The following PRKD3 variants were observed in gnomAD, a reference collection of about 807,000 sequenced individuals.
PRKD3 encodes the protein protein kinase D3, also known as serine/threonine-protein kinase D3.
PRKD3 carries 47 observed loss-of-function variants against 99.2 expected under a neutral mutation model. The observed-to-expected ratio is 0.47, with a 90% CI of 0.38 to 0.60. PRKD3 has a LOEUF of 0.60. PRKD3 is among the 20% of genes least tolerant of loss of function. The pLI is 0.00. For synonymous variants in PRKD3, 392 were observed against 355.4 expected, an observed-to-expected ratio of 1.10 and a Z score of -1.16; for missense variants, 1,019 against 1,088.4, an observed-to-expected ratio of 0.94 and a Z score of 0.90.
At chr2:37,308,691 G>C (rs978121793) in intron 2 of PRKD3, among the ~76,000 whole-genome samples, 1 of 152,130 alleles carries the variant, frequency 6.6e-6, no homozygotes, top group Non-Finnish European at 1.5e-5. Flanking sequence ...CTGACCTCAG[G>C]TGATCCACCC....
At chr2:37,292,292 T>C (rs992382818) in intron 3 of PRKD3, among the ~76,000 whole-genome samples, 8 of 152,150 alleles carry the variant, frequency 5.3e-5, no homozygotes, top group Non-Finnish European at 1.0e-4. Flanking sequence ...GACCAAATAA[T>C]TTCCTAAGCT....
intron 14 of PRKD3, among the ~76,000 whole-genome samples, chr2:37,261,236 C>G (rs187581043): frequency 3.9e-5 from 6 of 152,288 alleles, no homozygotes; most frequent in African/African-American, 1.4e-4. Context: ...CCTGTAATCC[C>G]AGCACTTTGG....
intron 2 of PRKD3, among the ~76,000 whole-genome samples, 171 bp from the exon 3 acceptor site, chr2:37,293,442 TTTAAAG>T (rs1670538742): frequency 6.6e-6 from 1 of 152,234 alleles, no homozygotes; most frequent in Non-Finnish European, 1.5e-5. Flanking sequence ...CCTGGTTAAT[TTTAAAG>T]TTCAAGAAAA....
chr2:37,292,852 G>A, intron 3 of PRKD3: 1 of 222,066 alleles, frequency 4.5e-6, no homozygotes, highest in Non-Finnish European at 8.9e-6. Context: ...GAGGTATGCT[G>A]CTCAGGCTGG....
intron 3 of PRKD3, 25 bp from the exon 4 acceptor site, chr2:37,291,024 T>G: frequency 1.3e-6 from 2 of 1,580,230 alleles, no homozygotes; most frequent in Non-Finnish European, 1.7e-6. Flanking sequence ...AGTATTACAA[T>G]ACACGTTGTA....
chr2:37,316,993 CTA>C lies in PRKD3; in HGVS notation c.-471_-470del. On this transcript the variant is annotated 5_prime_UTR_variant, in exon 2 of 19. In the 5' UTR this introduces an upstream ATG that the reference lacks. Coordinates refer to ENST00000234179, the MANE Select transcript of PRKD3 (RefSeq NM_005813.6). ...TATTCAGTACTTTTCCTTTGGTTTACTAATTTGATAGGACACCTTCTCAAATG... is the reference window on the plus strand; with the variant it reads ...TATTCAGTACTTTTCCTTTGGTTTACATTTGATAGGACACCTTCTCAAATG... The C allele has an allele frequency of 1.0e-6, 1 of 987,304 alleles. No homozygotes were observed. The highest frequency in any genetic ancestry group is 1.2e-6 in the Non-Finnish European group (1 of 831,338). 61.2% of individuals were successfully genotyped at this position (987,304 alleles called of 1,614,324 possible).
intron 9 of PRKD3, among the ~76,000 whole-genome samples, chr2:37,277,309 T>G (rs1207431956): frequency 6.6e-6 from 1 of 152,176 alleles, no homozygotes; most frequent in Non-Finnish European, 1.5e-5. Context: ...ACTAAGTAAC[T>G]TTCCCAAGTT....
intron 14 of PRKD3, among the ~76,000 whole-genome samples, chr2:37,263,148 T>A (rs1394706489): frequency 6.6e-6 from 1 of 152,198 alleles, no homozygotes; most frequent in Non-Finnish European, 1.5e-5. Flanking sequence ...ATTTTCATTC[T>A]TTCTTGCTTA....
chr2:37,253,228 T>C lies in PRKD3; in HGVS notation c.2622A>G (p.Pro874=). 6.2e-7 allele frequency: 1 copy of C among 1,612,714 alleles called. No homozygotes were observed. The highest frequency in any genetic ancestry group is 8.5e-7 in the Non-Finnish European group (1 of 1,179,042). The change falls in exon 19 of 19, where the codon CCA becomes CCG. Residue 874 remains proline (P), a synonymous_variant. Coordinates refer to ENST00000234179, the MANE Select transcript of PRKD3 (RefSeq NM_005813.6). The part of the protein sequence containing the change: ...IHAYTHNLVY[P]KHFIMAPNPD... ...GATTAGGAGCCATAATGAAGTGCTT[T>C]GGGTATACAAGGTTATGTGTGTATG...
chr2:37,253,310 C>T lies in PRKD3; in HGVS notation c.2540G>A (p.Arg847His), dbSNP rs1405945703. 8.7e-6 allele frequency: 14 copies of T among 1,612,522 alleles called. No homozygotes were observed. Among genetic ancestry groups the T allele is most frequent in the South Asian group, 6.6e-5 (6 of 90,862 alleles). Residue 847 changes from arginine (R) to histidine (H), a missense_variant, in exon 19 of 19, where the codon CGC becomes CAC. Arg to His is a conservative substitution (Grantham distance 29). Transcript: ENST00000234179. The stretch of plus-strand genomic sequence containing the variant: ...ATGTGTAATGTAACGTTCTCCAATG[C>T]GAGTTTCAAATTCTCTAAGGTCAAG... ...TWLDLREFET[R>H]IGERYITHES...
At chr2:37,267,373 T>C (rs1668917675) in intron 14 of PRKD3, 57 bp downstream of exon 14, 1 of 1,205,984 alleles carries the variant, frequency 8.3e-7, no homozygotes, top group Non-Finnish European at 1.2e-6. Flanking sequence ...GAGAAGCAGT[T>C]AATTCAGATT....
chr2:37,287,781 T>A (rs903819828), intron 5 of PRKD3, among the ~76,000 whole-genome samples: 1 of 152,234 alleles, frequency 6.6e-6, no homozygotes, highest in African/African-American at 2.4e-5. Flanking sequence ...TCCCTTCATA[T>A]AGAAAGGGTC....
At chr2:37,287,283 A>G (rs1299528858) in intron 5 of PRKD3, among the ~76,000 whole-genome samples, 2 of 148,930 alleles carry the variant, frequency 1.3e-5, no homozygotes, top group Non-Finnish European at 3.0e-5. Flanking sequence ...AGAAAAAGAA[A>G]AAGAAAAATA....
chr2:37,304,196 TAAA>T (rs70949750), intron 2 of PRKD3, among the ~76,000 whole-genome samples: 2 of 93,966 alleles, frequency 2.1e-5, no homozygotes, highest in East Asian at 3.3e-4. Flanking sequence ...AGGTACTTAC[TAAA>T]AAAAAAAAAA....
chr2:37,281,573 G>C (rs940983804), intron 7 of PRKD3, among the ~76,000 whole-genome samples: 1 of 152,050 alleles, frequency 6.6e-6, no homozygotes, highest in East Asian at 1.9e-4. Flanking sequence ...CATCAACCAG[G>C]AAACGGACCC....
rs1669760523 is a variant in PRKD3, at chr2:37,279,849, A to G, written c.1069T>C (p.Leu357=). 1 of 1,613,088 alleles carries G rather than the reference A, an allele frequency of 6.2e-7. No individual in the cohort carries two copies. The highest frequency in any genetic ancestry group is 8.5e-7 in the Non-Finnish European group (1 of 1,179,302). Residue 357 remains leucine, a synonymous_variant, in exon 8 of 19, where the codon TTG becomes CTG. Transcript: ENST00000234179. ...NDINSDSSRG[L]DDTEEPSPPE... The stretch of plus-strand genomic sequence containing the variant: ...GGTGATGGCTCTTCTGTGTCATCCA[A>G]ACCCCGACTACTATCACTATTTATG...
At chr2:37,284,036 T>C (rs1401877616) in intron 6 of PRKD3, among the ~76,000 whole-genome samples, 1 of 152,204 alleles carries the variant, frequency 6.6e-6, no homozygotes, top group Non-Finnish European at 1.5e-5. Flanking sequence ...TGCTCTCTTA[T>C]ACTTTACATA....
intron 1 of PRKD3, among the ~76,000 whole-genome samples, chr2:37,323,354 G>A (rs1475788376): frequency 6.6e-6 from 1 of 151,838 alleles, no homozygotes; most frequent in Non-Finnish European, 1.5e-5. Context: ...ACCGAGGATG[G>A]AACCTGGCTC....
intron 16 of PRKD3, 72 bp from the exon 17 acceptor site, chr2:37,257,001 C>T (rs1415923746): frequency 5.4e-6 from 8 of 1,483,998 alleles, no homozygotes; most frequent in African/African-American, 1.4e-5. Flanking sequence ...CTAAATATAA[C>T]ACTGTATGTA....
Sources: allele counts gnomAD v4.1 joint callset (sites outside exome capture counted in the v4.1 genomes callset), GRCh38; gene constraint gnomAD v4.1.1; transcripts MANE v1.5; gene names NCBI Gene and HGNC (gene_info 2026-07-23, HGNC 2026-07-21).